The following SLIT2 variants were observed in gnomAD, a reference collection of about 807,000 sequenced individuals.
SLIT2 encodes slit homolog 2 protein.
A neutral mutation model predicts 185.7 loss-of-function variants in SLIT2; 41 were observed. The ratio of observed to expected loss-of-function variants is 0.22; its 90% CI spans 0.17 to 0.29. The LOEUF (loss-of-function observed/expected upper bound fraction) is 0.29, where lower values mean the gene tolerates loss of function less well. Ranked by LOEUF, SLIT2 falls within the 10% of genes least tolerant of loss-of-function variation. The pLI is 1.00. For missense variants in SLIT2, 1,571 were observed against 1,909.0 expected (o/e 0.82, Z 3.30); for synonymous variants, 693 against 680.2 (o/e 1.02, Z -0.29).
chr4:20,383,283 T>A (rs1724676203), intron 4 of SLIT2, among the ~76,000 whole-genome samples: 1 of 152,032 alleles, frequency 6.6e-6, no homozygotes, highest in Non-Finnish European at 1.5e-5. Flanking sequence ...TTAAACAAAA[T>A]AAAAGCCACA....
At chr4:20,491,968 A>G in intron 9 of SLIT2, 69 bp downstream of exon 9, 1 of 1,532,862 alleles carries the variant, frequency 6.5e-7, no homozygotes, top group Non-Finnish European at 8.9e-7. Flanking sequence ...TTCTTTGGGA[A>G]ATTCTGAGTT....
chr4:20,367,283 A>G (rs142261634), intron 4 of SLIT2, among the ~76,000 whole-genome samples: 216 of 152,266 alleles, frequency 1.4e-3, no homozygotes, highest in African/African-American at 4.9e-3. Flanking sequence ...TTTAGTGACA[A>G]TAATTGAGAT....
At chr4:20,329,271 G>A (rs955918327) in intron 4 of SLIT2, among the ~76,000 whole-genome samples, 2 of 151,764 alleles carry the variant, frequency 1.3e-5, no homozygotes, top group Non-Finnish European at 2.9e-5. Context: ...GTCCATCAAG[G>A]AGACAAATAT....
intron 5 of SLIT2, among the ~76,000 whole-genome samples, chr4:20,474,339 G>C (rs1715874988): frequency 6.6e-6 from 1 of 151,954 alleles, no homozygotes; most frequent in African/African-American, 2.4e-5. Flanking sequence ...TATTTTGCTT[G>C]GTTGCACTGC....
rs528128091 is a variant in SLIT2, at chr4:20,601,123, A to G, written c.3692+2728A>G. On this transcript the variant is annotated intron_variant, in intron 33 of 36. Coordinates refer to ENST00000504154, the MANE Select transcript of SLIT2 (RefSeq NM_004787.4). ...AAATAGAAACAAGACTTCTGCATGA[A>G]TACCATTTTATATCCATTTGATTTT... Among the ~76,000 whole-genome samples, 3 of 152,300 alleles carry G rather than the reference A, an allele frequency of 2.0e-5. No individual in the cohort carries two copies. The South Asian group carries it at 6.2e-4, about 32-fold the overall frequency.
chr4:20,371,299 A>C, intron 4 of SLIT2, among the ~76,000 whole-genome samples: 1 of 151,788 alleles, frequency 6.6e-6, no homozygotes, highest in Non-Finnish European at 1.5e-5. Context: ...ACACAGACTT[A>C]ACACAAATGC....
At chr4:20,377,202 TAATA>T (rs756703485) in intron 4 of SLIT2, among the ~76,000 whole-genome samples, 22 of 152,214 alleles carry the variant, frequency 1.4e-4, no homozygotes, top group Non-Finnish European at 2.1e-4. Flanking sequence ...AGAAAATTGG[TAATA>T]AATGTCTAAA....
chr4:20,576,040 A>G (rs1038095175), intron 29 of SLIT2, among the ~76,000 whole-genome samples: 7 of 152,218 alleles, frequency 4.6e-5, no homozygotes, highest in Non-Finnish European at 7.3e-5. Context: ...TGAGAGTAAC[A>G]TGTAACTATG....
intron 4 of SLIT2, among the ~76,000 whole-genome samples, chr4:20,288,334 T>G (rs1318487396): frequency 6.6e-6 from 1 of 152,192 alleles, no homozygotes; most frequent in East Asian, 1.9e-4. Flanking sequence ...GTTGTGAAGA[T>G]CGAATGAGTC....
chr4:20,597,794 T>A (rs1728103661), intron 32 of SLIT2, among the ~76,000 whole-genome samples: 1 of 152,192 alleles, frequency 6.6e-6, no homozygotes, highest in Admixed American at 6.5e-5. Context: ...AGTCTTAACT[T>A]AGCTAATTAA....
intron 4 of SLIT2, among the ~76,000 whole-genome samples, chr4:20,284,597 G>A (rs12233652): frequency 0.27 from 41,377 of 152,054 alleles, 6,694 homozygotes; most frequent in East Asian, 0.73. Flanking sequence ...GATAGTGTTT[G>A]AGTTTAAAAA....
intron 4 of SLIT2, among the ~76,000 whole-genome samples, chr4:20,286,201 G>C (rs1715252321): frequency 6.6e-6 from 1 of 152,150 alleles, no homozygotes; most frequent in East Asian, 1.9e-4. Context: ...AATCCTCATG[G>C]TAATCTCTTT....
chr4:20,580,202 A>G (rs894391149), intron 29 of SLIT2, among the ~76,000 whole-genome samples: 7 of 151,006 alleles, frequency 4.6e-5, no homozygotes, highest in African/African-American at 1.2e-4. Context: ...CTGGGATTAC[A>G]GATGCGCACC....
chr4:20,512,817 C>A (rs147900441), intron 11 of SLIT2, among the ~76,000 whole-genome samples: 4 of 152,072 alleles, frequency 2.6e-5, no homozygotes, highest in African/African-American at 9.7e-5. Context: ...TTATTTATAT[C>A]GGCTTGCTTG....
At chr4:20,605,669 A>T (rs747256215) in intron 33 of SLIT2, among the ~76,000 whole-genome samples, 1 of 152,026 alleles carries the variant, frequency 6.6e-6, no homozygotes, top group Admixed American at 6.6e-5. Context: ...CAGTCTTACT[A>T]TGTAGCAACT....
chr4:20,438,184 A>G (rs566666386), intron 4 of SLIT2, among the ~76,000 whole-genome samples: 5 of 152,246 alleles, frequency 3.3e-5, no homozygotes, highest in Non-Finnish European at 7.4e-5. Flanking sequence ...TCCTGTTTAA[A>G]ACATAAGTTA....
At chr4:20,538,706 G>T (rs1015902465) in intron 18 of SLIT2, among the ~76,000 whole-genome samples, 1 of 138,410 alleles carries the variant, frequency 7.2e-6, no homozygotes, top group African/African-American at 2.7e-5. Context: ...AATTAGCAAA[G>T]AATTGATAAT....
intron 4 of SLIT2, among the ~76,000 whole-genome samples, chr4:20,428,360 T>C (rs1290197072): frequency 6.6e-6 from 1 of 152,216 alleles, no homozygotes; most frequent in Admixed American, 6.5e-5. Context: ...TTTTCTGTCA[T>C]ACCCGCTCTT....
intron 4 of SLIT2, 66 bp downstream of exon 4, chr4:20,268,947 G>A: frequency 1.0e-6 from 1 of 984,154 alleles, no homozygotes; most frequent in Non-Finnish European, 1.6e-6. Context: ...ATGTATTTTG[G>A]ATCTGTTTGT....
Sources: gnomAD v4.1 joint callset for allele counts (sites outside exome capture counted in the v4.1 genomes callset) on GRCh38, gnomAD v4.1.1 for gene constraint, MANE v1.5 for transcripts, NCBI Gene and HGNC (gene_info 2026-07-23, HGNC 2026-07-21) for gene names.